PCDHGB2: variants seen among roughly 807,000 people sequenced by gnomAD.
PCDHGB2 encodes the protein protocadherin gamma-B2.
PCDHGB2 carries 55 observed loss-of-function variants against 59.3 expected under a neutral mutation model. The ratio of observed to expected loss-of-function variants is 0.93; its 90% CI spans 0.75 to 1.16. The LOEUF (loss-of-function observed/expected upper bound fraction) is 1.16, where lower values mean the gene tolerates loss of function less well. Among genes scored for constraint, PCDHGB2 ranks in the 50% most tolerant of loss-of-function variants. The pLI, the probability that PCDHGB2 is intolerant of heterozygous loss-of-function variation, is 0.00. For synonymous variants in PCDHGB2, 516 were observed against 512.0 expected (o/e 1.01, Z -0.11); for missense variants, 1,228 against 1,198.5 (o/e 1.02, Z -0.36).
chr5:141,475,381 T>G (rs1182018899), intron 1 of PCDHGB2, among the ~76,000 whole-genome samples: 3 of 152,226 alleles, frequency 2.0e-5, no homozygotes, highest in Non-Finnish European at 4.4e-5. Flanking sequence ...ACTTTTAAAT[T>G]TTATAAGCCA....
At chr5:141,458,730 C>T (rs1239174331) in intron 1 of PCDHGB2, among the ~76,000 whole-genome samples, 1 of 151,928 alleles carries the variant, frequency 6.6e-6, no homozygotes, top group Non-Finnish European at 1.5e-5. Flanking sequence ...CCACCACATC[C>T]AGCTATTGGT....
chr5:141,477,749 C>A lies in PCDHGB2; in HGVS notation c.2422-17058C>A, dbSNP rs2099417192. The A allele has an allele frequency of 6.2e-7, 1 of 1,613,786 alleles. No homozygotes were observed. Among genetic ancestry groups the A allele is most frequent in the African/African-American group, 1.3e-5 (1 of 74,928 alleles). ...AGCTCATATCAGCGATGGGGGCACCCCGGTCCTAGCCACCAACATCAGCGT... is the reference window on the plus strand; with the variant it reads ...AGCTCATATCAGCGATGGGGGCACCACGGTCCTAGCCACCAACATCAGCGT... On this transcript the variant is annotated intron_variant, in intron 1 of 3. Coordinates refer to ENST00000522605, the MANE Select transcript of PCDHGB2 (RefSeq NM_018923.3). This position sits in a 1 kb window ranked among gnomAD's most constrained non-coding sequence, Gnocchi z 4.9.
chr5:141,422,470 T>C, intron 1 of PCDHGB2: 1 of 1,613,440 alleles, frequency 6.2e-7, no homozygotes, highest in Non-Finnish European at 8.5e-7. Flanking sequence ...GGACAGGGAG[T>C]TGGTCCAGAG....
At chr5:141,415,165 C>T (rs1410806560) in intron 1 of PCDHGB2, 10 of 1,613,746 alleles carry the variant, frequency 6.2e-6, no homozygotes, top group Non-Finnish European at 8.5e-6. Context: ...CACTGTCACG[C>T]TCACCGTGGC....
chr5:141,389,916 G>C lies in PCDHGB2; in HGVS notation c.2421+27360G>C, dbSNP rs747654268. 3.1e-6 allele frequency: 5 copies of C among 1,613,904 alleles called. No individual in the cohort carries two copies. In the African/African-American group the frequency reaches 6.7e-5, roughly 22 times the overall value. ...GCTGCCGGATATCACTGACCGCCCC[G>C]ACCCCTCTGACCTCCAGGCTGAGCT... On this transcript the variant is annotated intron_variant, in intron 1 of 3. Transcript: ENST00000522605.
intron 1 of PCDHGB2, chr5:141,399,103 C>T (rs376000100): frequency 1.5e-5 from 25 of 1,613,604 alleles, no homozygotes; most frequent in East Asian, 6.7e-5. Context: ...ACTGGTTGCA[C>T]AATGTACAGT....
At position 141,431,245 on chromosome 5, in the gene PCDHGB2, C is replaced by A. The variant is rs761126985; in HGVS notation, c.2422-63562C>A. The A allele has an allele frequency of 5.0e-6, 8 of 1,614,016 alleles. No individual in the cohort carries two copies. In the Admixed American group the frequency reaches 1.2e-4, roughly 24 times the overall value. On this transcript the variant is annotated intron_variant, in intron 1 of 3. Coordinates refer to ENST00000522605, the MANE Select transcript of PCDHGB2 (RefSeq NM_018923.3). This position sits in a 1 kb window ranked among gnomAD's most constrained non-coding sequence, Gnocchi z 4.8. ...TACCCCACGCCTGGGATCCGGATAT[C>A]GGGAAGAACTCTCTGCAGAGCTACG... is the stretch of plus-strand genomic sequence containing the variant.
Position 141,383,152 on chromosome 5 carries a change from G to T in PCDHGB2, c.2421+20596G>T, listed in dbSNP as rs200500982. ...CCTGAACCAGCGCAGCGGCAGCTTG[G>T]TCACTGCGGGCAGGATAGACCGGGA... On this transcript the variant is annotated intron_variant, in intron 1 of 3. Coordinates refer to ENST00000522605, the MANE Select transcript of PCDHGB2 (RefSeq NM_018923.3). 3.1e-6 allele frequency: 5 copies of T among 1,614,006 alleles called. No homozygotes were observed. In the African/African-American group the frequency reaches 6.7e-5, roughly 22 times the overall value.
chr5:141,370,545 G>A (rs768607566), intron 1 of PCDHGB2: 2 of 1,613,866 alleles, frequency 1.2e-6, no homozygotes, highest in Non-Finnish European at 1.7e-6. Context: ...AGGGAACCTC[G>A]CCAAGGACCT....
chr5:141,430,885 C>G, intron 1 of PCDHGB2: 1 of 1,605,218 alleles, frequency 6.2e-7, no homozygotes, highest in Non-Finnish European at 8.5e-7. Context: ...TGGAGAAAGG[C>G]TCTAGGGTGG....
chr5:141,403,182 T>G (rs1458009956), intron 1 of PCDHGB2: 1 of 1,613,858 alleles, frequency 6.2e-7, no homozygotes, highest in Non-Finnish European at 8.5e-7. Context: ...CTTTTCTCTC[T>G]GAACCCGCGC....
At chr5:141,371,896 T>G (rs760450150) in intron 1 of PCDHGB2, 14 of 1,613,426 alleles carry the variant, frequency 8.7e-6, no homozygotes, top group Non-Finnish European at 1.1e-5. Flanking sequence ...CCGCGGGAGC[T>G]GTCGTCCTAC....
chr5:141,488,540 A>C (rs901890616), intron 1 of PCDHGB2, among the ~76,000 whole-genome samples: 6 of 152,146 alleles, frequency 3.9e-5, no homozygotes, highest in Admixed American at 2.0e-4. Context: ...GCTAAGTCCC[A>C]TGTCAGCTGA....
intron 1 of PCDHGB2, chr5:141,366,227 C>G (rs1217431580): frequency 6.2e-7 from 1 of 1,613,816 alleles, no homozygotes; most frequent in South Asian, 1.1e-5. Context: ...GCGAGCCCTG[C>G]TGGACAGAGA....
intron 1 of PCDHGB2, chr5:141,411,158 A>T (rs1384845652): frequency 6.6e-6 from 1 of 152,212 alleles, no homozygotes; most frequent in Admixed American, 6.5e-5. Context: ...TCAAGTTCTG[A>T]CTATCGAACA....
In PCDHGB2 at chr5:141,432,011, TACA is replaced by T. The variant is rs1296391274; in HGVS notation, c.2422-62792_2422-62790del. 2 of 1,614,202 alleles carry T rather than the reference TACA, an allele frequency of 1.2e-6. No homozygotes were observed. Among genetic ancestry groups the T allele is most frequent in the South Asian group, 2.2e-5 (2 of 91,084 alleles). On this transcript the variant is annotated intron_variant, in intron 1 of 3. Transcript: ENST00000522605. This position sits in a 1 kb window ranked among gnomAD's most constrained non-coding sequence, Gnocchi z 6.0. The stretch of plus-strand genomic sequence containing the variant: ...CTTGGATAGGGAACAGGTTCCTAGC[TACA>T]ACATCACAGTGACCGCCACTGACCG...
At chr5:141,430,351 A>G (rs923321842) in intron 1 of PCDHGB2, among the ~76,000 whole-genome samples, 5 of 152,046 alleles carry the variant, frequency 3.3e-5, no homozygotes, top group African/African-American at 1.2e-4. Flanking sequence ...CAATTCATTT[A>G]AAAGCTCATT....
At chr5:141,505,308 G>A in intron 2 of PCDHGB2, 85 bp from the exon 3 acceptor site, 1 of 1,598,660 alleles carries the variant, frequency 6.3e-7, no homozygotes, top group Non-Finnish European at 8.5e-7. Flanking sequence ...TAGGGTACTA[G>A]GTTTGGGAGC....
At chr5:141,469,964 G>T (rs974494589) in intron 1 of PCDHGB2, among the ~76,000 whole-genome samples, 2 of 152,002 alleles carry the variant, frequency 1.3e-5, no homozygotes, top group Non-Finnish European at 2.9e-5. Flanking sequence ...AACCCCATCT[G>T]TACCAAAAAT....
Sources: allele counts gnomAD v4.1 joint callset (sites outside exome capture counted in the v4.1 genomes callset), GRCh38; gene constraint gnomAD v4.1.1; non-coding constraint Gnocchi (gnomAD v3.1); transcripts MANE v1.5; gene names NCBI Gene and HGNC (gene_info 2026-07-23, HGNC 2026-07-21).